The following HIP1 variants were observed in gnomAD, a reference collection of about 807,000 sequenced individuals.
HIP1 encodes huntingtin-interacting protein 1.
HIP1 carries 65 observed loss-of-function variants against 147.6 expected under a neutral mutation model. The ratio of observed to expected loss-of-function variants is 0.44; its 90% CI spans 0.36 to 0.54. The LOEUF (loss-of-function observed/expected upper bound fraction) is 0.54, where lower values mean the gene tolerates loss of function less well. Ranked by LOEUF, HIP1 falls within the 20% of genes least tolerant of loss-of-function variation. The probability of loss-of-function intolerance (pLI) is 0.00; values close to 1 mark genes in which losing one functional copy is unlikely to be tolerated. For missense variants in HIP1, 1,061 were observed against 1,299.6 expected (o/e 0.82, Z 2.82); for synonymous variants, 479 against 504.0 (o/e 0.95, Z 0.67).
At chr7:75,696,988 G>T (rs1800661170) in intron 1 of HIP1, among the ~76,000 whole-genome samples, 2 of 151,182 alleles carry the variant, frequency 1.3e-5, no homozygotes, top group South Asian at 2.1e-4. Flanking sequence ...GCCTTCCCAA[G>T]GATTTTTTTT....
chr7:75,635,577 CA>C (rs144914669), intron 1 of HIP1, among the ~76,000 whole-genome samples: 18,268 of 69,686 alleles, frequency 0.26, 1,018 homozygotes, highest in Non-Finnish European at 0.31. Flanking sequence ...GACTCCATCT[CA>C]AAAAAAAAAA....
intron 1 of HIP1, among the ~76,000 whole-genome samples, chr7:75,674,123 TG>T (rs1799812285): frequency 6.6e-6 from 1 of 152,236 alleles, no homozygotes; most frequent in South Asian, 2.1e-4. Flanking sequence ...ATAATGTCAC[TG>T]AAAAATAGAG....
At chr7:75,683,181 C>G (rs1554517158) in intron 1 of HIP1, among the ~76,000 whole-genome samples, 1 of 151,986 alleles carries the variant, frequency 6.6e-6, no homozygotes, top group Non-Finnish European at 1.5e-5. Context: ...GGGGGTTTCA[C>G]CATGTTAGTC....
At chr7:75,655,101 T>C (rs982296846) in intron 1 of HIP1, among the ~76,000 whole-genome samples, 5 of 152,198 alleles carry the variant, frequency 3.3e-5, no homozygotes, top group Non-Finnish European at 7.3e-5. Flanking sequence ...ACACCCATGT[T>C]CACAGCAGCA....
chr7:75,588,998 A>C (rs1349767124), intron 4 of HIP1, among the ~76,000 whole-genome samples: 1 of 151,938 alleles, frequency 6.6e-6, no homozygotes, highest in Non-Finnish European at 1.5e-5. Flanking sequence ...TAAACATACA[A>C]AATTAGCTGG....
intron 1 of HIP1, among the ~76,000 whole-genome samples, chr7:75,671,031 C>T (rs1799716440): frequency 1.3e-5 from 2 of 152,108 alleles, no homozygotes; most frequent in African/African-American, 2.4e-5. Flanking sequence ...GCTTATTGCA[C>T]TTAGCATAAT....
intron 1 of HIP1, among the ~76,000 whole-genome samples, chr7:75,628,759 A>C (rs1360726564): frequency 1.3e-5 from 2 of 152,216 alleles, no homozygotes; most frequent in African/African-American, 4.8e-5. Flanking sequence ...GATTGCAGGT[A>C]TGAGCCACTG....
chr7:75,687,750 C>T (rs10255306), intron 1 of HIP1, among the ~76,000 whole-genome samples: 5,933 of 152,228 alleles, frequency 0.039, 152 homozygotes, highest in East Asian at 0.13. Context: ...CCAGTCTCTC[C>T]ACCTTTAAAG....
chr7:75,562,756 A>T (rs1347810280), intron 11 of HIP1, among the ~76,000 whole-genome samples, 179 bp downstream of exon 11: 1 of 152,134 alleles, frequency 6.6e-6, no homozygotes, highest in Non-Finnish European at 1.5e-5. Flanking sequence ...CACTGCACCC[A>T]TTTATGACCC....
Position 75,539,339 on chromosome 7 carries a change from A to T in HIP1, c.3045T>A (p.Ala1015=). 6.2e-7 allele frequency: 1 copy of T among 1,613,948 alleles called. No individual in the cohort carries two copies. Among genetic ancestry groups the T allele is most frequent in the South Asian group, 1.1e-5 (1 of 91,070 alleles). The part of the protein sequence containing the change: ...RKKHYELAGV[A]EGWEEGTEAS... ...TCAGCTTACCTTCTTCCCAGCCCTC[A>T]GCAACACCAGCAAGCTCGTAGTGCT... Residue 1015 remains alanine (A), a synonymous_variant, in exon 30 of 31, where the codon GCT becomes GCA. Coordinates refer to ENST00000336926, the MANE Select transcript of HIP1 (RefSeq NM_005338.7).
At chr7:75,630,521 T>C (rs1328109023) in intron 1 of HIP1, among the ~76,000 whole-genome samples, 1 of 151,164 alleles carries the variant, frequency 6.6e-6, no homozygotes, top group Non-Finnish European at 1.5e-5. Context: ...CCCACAGAGA[T>C]AGGGAGTGTG....
At chr7:75,662,299 C>A (rs1799347338) in intron 1 of HIP1, among the ~76,000 whole-genome samples, 1 of 151,940 alleles carries the variant, frequency 6.6e-6, no homozygotes, top group African/African-American at 2.4e-5. Flanking sequence ...CCCTCCCACC[C>A]CAGCCTCCCG....
Position 75,635,516 on chromosome 7 carries a change from G to A in HIP1, c.121-36269C>T, listed in dbSNP as rs782566064. ...TCGCTTGAACCCAGGAGGCGGAGGC[G>A]GTGGTGAGCCGAGATCGTGCCACTG... On this transcript the variant is annotated intron_variant, in intron 1 of 30. Coordinates refer to ENST00000336926, the MANE Select transcript of HIP1 (RefSeq NM_005338.7). Among the ~76,000 whole-genome samples, 15 of 149,580 alleles carry A rather than the reference G, an allele frequency of 1.0e-4. 1 individual carries two copies. The highest frequency in any genetic ancestry group is 3.0e-4 in the African/African-American group (12 of 40,562).
chr7:75,678,920 T>C (rs1232704612), intron 1 of HIP1, among the ~76,000 whole-genome samples: 2 of 152,166 alleles, frequency 1.3e-5, no homozygotes, highest in African/African-American at 4.8e-5. Flanking sequence ...AAGAAGGTAA[T>C]AGTAGCCTAA....
intron 1 of HIP1, among the ~76,000 whole-genome samples, chr7:75,735,688 C>A (rs782515846): frequency 6.7e-6 from 1 of 149,188 alleles, no homozygotes; most frequent in Non-Finnish European, 1.5e-5. Flanking sequence ...TTTTCTTTTT[C>A]TTTTTCTTTT....
intron 7 of HIP1, among the ~76,000 whole-genome samples, chr7:75,576,131 G>C (rs587764981): frequency 6.6e-6 from 1 of 152,316 alleles, no homozygotes; most frequent in East Asian, 1.9e-4. Context: ...ATCTAGAGCA[G>C]TGTCATCACG....
At chr7:75,737,127 T>C (rs1802046894) in intron 1 of HIP1, among the ~76,000 whole-genome samples, 1 of 152,076 alleles carries the variant, frequency 6.6e-6, no homozygotes, top group Non-Finnish European at 1.5e-5. Context: ...GATCTCAGTG[T>C]GTTGTCTAGG....
At chr7:75,670,115 T>C (rs1414826151) in intron 1 of HIP1, among the ~76,000 whole-genome samples, 2 of 100,326 alleles carry the variant, frequency 2.0e-5, no homozygotes, top group African/African-American at 8.8e-5. Context: ...AATTTTTTTA[T>C]TGTGATAAAA....
chr7:75,653,196 C>T (rs535541082), intron 1 of HIP1, among the ~76,000 whole-genome samples: 1 of 152,152 alleles, frequency 6.6e-6, no homozygotes, highest in Admixed American at 6.6e-5. Flanking sequence ...AATTCCTATT[C>T]CTCCCCAGGC....
Sources: allele counts gnomAD v4.1 joint callset (sites outside exome capture counted in the v4.1 genomes callset), GRCh38; gene constraint gnomAD v4.1.1; transcripts MANE v1.5; gene names NCBI Gene and HGNC (gene_info 2026-07-23, HGNC 2026-07-21).